DDX60: variants seen among roughly 807,000 people sequenced by gnomAD.
DDX60 encodes the protein DExD/H-box helicase 60.
In DDX60, 165 loss-of-function variants were observed where a neutral mutation model predicts 212.8. The ratio of observed to expected loss-of-function variants is 0.78; its 90% CI spans 0.68 to 0.88. The LOEUF is 0.88. Ranked by LOEUF, DDX60 falls within the 40% of genes least tolerant of loss-of-function variation. DDX60 has a pLI of 0.00. For synonymous variants in DDX60, 703 were observed against 685.3 expected (o/e 1.03, Z -0.40); for missense variants, 1,905 against 2,003.9 (o/e 0.95, Z 0.94).
chr4:168,221,517 C>T (rs756840546), intron 36 of DDX60, among the ~76,000 whole-genome samples: 6 of 151,810 alleles, frequency 4.0e-5, no homozygotes, highest in Non-Finnish European at 8.8e-5. Flanking sequence ...GGCTAAGTGC[C>T]AAGATTTTGT....
chr4:168,260,776 G>T, intron 25 of DDX60, 89 bp downstream of exon 25: 2 of 1,174,984 alleles, frequency 1.7e-6, no homozygotes, highest in Non-Finnish European at 2.5e-6. Context: ...GCCAGTGATG[G>T]TCTGTGGCCT....
In DDX60 at chr4:168,294,094, TA is replaced by T. The variant is rs2149537468; in HGVS notation, c.724-150del. 3 of 631,390 alleles carry T rather than the reference TA, an allele frequency of 4.8e-6. No homozygotes were observed. In the East Asian group the frequency reaches 9.3e-5, roughly 20 times the overall value. The allele number at this position is 631,390 out of a possible 1,614,324, so 39.1% of individuals were successfully genotyped here. ...CCCCCGTGACACAAGTTTACCTCCA[TA>T]AAAAACCTACACATATACCCCTGAA... On this transcript the variant is annotated intron_variant, in intron 6 of 37. Transcript: ENST00000393743.
chr4:168,260,479 A>G (rs1037545228), intron 25 of DDX60, among the ~76,000 whole-genome samples: 2 of 152,196 alleles, frequency 1.3e-5, no homozygotes, highest in East Asian at 1.9e-4. Flanking sequence ...GCAGTCCCCA[A>G]CCTTTGTGGC....
chr4:168,251,499 A>T (rs1353635951), intron 27 of DDX60, among the ~76,000 whole-genome samples: 9 of 152,222 alleles, frequency 5.9e-5, no homozygotes. Context: ...GTGGTCCGGG[A>T]ATGCCTACTT....
intron 10 of DDX60, 101 bp downstream of exon 10, chr4:168,286,947 C>T: frequency 2.4e-6 from 2 of 838,474 alleles, no homozygotes; most frequent in Non-Finnish European, 1.8e-6. Context: ...AATTCAAGTG[C>T]CAGAAAATTA....
chr4:168,233,010 AC>A (rs1471071189), intron 33 of DDX60, among the ~76,000 whole-genome samples: 1 of 152,140 alleles, frequency 6.6e-6, no homozygotes, highest in African/African-American at 2.4e-5. Flanking sequence ...CAAAGCAGCA[AC>A]AAAAAAACAA....
Position 168,255,888 on chromosome 4 carries a change from T to C in DDX60, c.3399-19A>G. On this transcript the variant is annotated intron_variant, in intron 25 of 37. Transcript: ENST00000393743. The stretch of plus-strand genomic sequence containing the variant: ...CTTGAATCTGGAAATAAAAAGAATG[T>C]GCGCCTTGAAAATAACATCATAAAT... 6.4e-7 allele frequency: 1 copy of C among 1,567,092 alleles called. No homozygotes were observed. Among genetic ancestry groups the C allele is most frequent in the Non-Finnish European group, 8.6e-7 (1 of 1,165,226 alleles).
At chr4:168,237,207 C>T in intron 32 of DDX60, 79 bp downstream of exon 32, 1 of 1,011,766 alleles carries the variant, frequency 9.9e-7, no homozygotes, top group Non-Finnish European at 1.3e-6. Flanking sequence ...AAAAATATTC[C>T]TGAAGTGTTG....
In DDX60 at chr4:168,293,891, G is replaced by A. The variant is rs780958731; in HGVS notation, c.778C>T (p.Arg260Trp). 9.3e-6 allele frequency: 15 copies of A among 1,613,842 alleles called. No homozygotes were observed. The highest frequency in any genetic ancestry group is 5.5e-5 in the South Asian group (5 of 91,068). ...TQVWPEGSDI[R>W]RVFCVTSCSL... The stretch of plus-strand genomic sequence containing the variant: ...CATGAAGTAACACAAAAGACACGCC[G>A]AATGTCAGATCCTTCTGGCCAGACT... Residue 260 changes from arginine (R) to tryptophan (W), a missense_variant, in exon 7 of 38, where the codon CGG (arginine) becomes TGG (tryptophan). By Grantham distance (101) the Arg-to-Trp change is moderately radical. Transcript: ENST00000393743.
chr4:168,257,754 C>T (rs1734471186), intron 25 of DDX60, among the ~76,000 whole-genome samples: 1 of 152,226 alleles, frequency 6.6e-6, no homozygotes, highest in Admixed American at 6.5e-5. Flanking sequence ...AATATGTTGA[C>T]TATATTTGGA....
At chr4:168,310,802 T>C (rs946023190) in intron 3 of DDX60, among the ~76,000 whole-genome samples, 196 bp downstream of exon 3, 2 of 152,150 alleles carry the variant, frequency 1.3e-5, no homozygotes, top group Non-Finnish European at 2.9e-5. Context: ...GGCATGAATT[T>C]AGAAAAAATA....
chr4:168,315,827 T>C (rs1737346255), intron 1 of DDX60, among the ~76,000 whole-genome samples: 4 of 152,218 alleles, frequency 2.6e-5, no homozygotes, highest in Admixed American at 1.3e-4. Flanking sequence ...AGCCTATCAT[T>C]AATGGGTATT....
At chr4:168,277,659 A>T (rs1158637576) in intron 14 of DDX60, among the ~76,000 whole-genome samples, 1 of 151,864 alleles carries the variant, frequency 6.6e-6, no homozygotes, top group African/African-American at 2.4e-5. Context: ...AACATGGTGA[A>T]TTAGCCGGAT....
chr4:168,243,208 G>A (rs150350457), intron 30 of DDX60, among the ~76,000 whole-genome samples: 1 of 152,100 alleles, frequency 6.6e-6, no homozygotes, highest in East Asian at 1.9e-4. Context: ...GCATGAACAT[G>A]GAATAATACA....
intron 35 of DDX60, 66 bp downstream of exon 35, chr4:168,224,177 T>G (rs111875387): frequency 6.4e-7 from 1 of 1,560,952 alleles, no homozygotes. Context: ...CTTTCTAAGC[T>G]GCCTAGCAAT....
chr4:168,278,252 TGAA>T (rs1465458606), intron 14 of DDX60, among the ~76,000 whole-genome samples: 1 of 152,170 alleles, frequency 6.6e-6, no homozygotes, highest in Non-Finnish European at 1.5e-5. Flanking sequence ...CATGAAGTTG[TGAA>T]GAAGAAAAAA....
intron 29 of DDX60, among the ~76,000 whole-genome samples, 160 bp from the exon 30 acceptor site, chr4:168,246,778 A>G (rs930997845): frequency 2.0e-5 from 3 of 152,182 alleles, no homozygotes; most frequent in Non-Finnish European, 2.9e-5. Flanking sequence ...TGCTTAGGAA[A>G]TTTGCCATGA....
chr4:168,281,011 G>A (rs1034433994), intron 13 of DDX60, among the ~76,000 whole-genome samples: 2 of 152,104 alleles, frequency 1.3e-5, no homozygotes, highest in East Asian at 1.9e-4. Flanking sequence ...ATGGTGGCAC[G>A]CTCCTGTAGT....
In DDX60 at chr4:168,219,711, T is replaced by C. The variant is rs867040550; in HGVS notation, c.5039+944A>G. Among the ~76,000 whole-genome samples the C allele has an allele frequency of 2.6e-5, 4 of 152,100 alleles. No individual in the cohort carries two copies. The South Asian group carries it at 6.2e-4, about 24-fold the overall frequency. ...AGGACGAAGCAACACCTATAAAGTA[T>C]TGAGTTGCATGCAGATTGAAGGCTT... On this transcript the variant is annotated intron_variant, in intron 37 of 37. Coordinates refer to ENST00000393743, the MANE Select transcript of DDX60 (RefSeq NM_017631.6).
Sources: allele counts gnomAD v4.1 joint callset (sites outside exome capture counted in the v4.1 genomes callset), GRCh38; gene constraint gnomAD v4.1.1; transcripts MANE v1.5; gene names NCBI Gene and HGNC (gene_info 2026-07-23, HGNC 2026-07-21).